Variants in SMG6 observed in about 807,000 individuals in gnomAD.
SMG6 encodes telomerase-binding protein EST1A.
In SMG6, 66 loss-of-function variants were observed where a neutral mutation model predicts 142.2. The observed-to-expected ratio is 0.46, with a 90% CI of 0.38 to 0.57. SMG6 has a LOEUF of 0.57. Among genes scored for constraint, SMG6 ranks in the 20% least tolerant of loss-of-function variants. The pLI, the probability that SMG6 is intolerant of heterozygous loss-of-function variation, is 0.00. For missense variants in SMG6, 1,793 were observed against 1,832.0 expected, an observed-to-expected ratio of 0.98 and a Z score of 0.39; for synonymous variants, 779 against 702.4, an observed-to-expected ratio of 1.11 and a Z score of -1.72.
chr17:2,287,613 C>CAAT (rs2151386913), intron 6 of SMG6, among the ~76,000 whole-genome samples: 1 of 152,270 alleles, frequency 6.6e-6, no homozygotes, highest in East Asian at 1.9e-4. Context: ...TTCACTGTGG[C>CAAT]ATTATTCACA....
intron 8 of SMG6, among the ~76,000 whole-genome samples, chr17:2,269,097 A>G (rs907397368): frequency 6.7e-6 from 1 of 150,166 alleles, no homozygotes; most frequent in Non-Finnish European, 1.5e-5. Flanking sequence ...CCAGCTACTC[A>G]TAGTCCCAGC....
chr17:2,186,882 G>C (rs746231829), intron 11 of SMG6, 51 bp from the exon 12 acceptor site: 6 of 1,589,438 alleles, frequency 3.8e-6, no homozygotes, highest in Non-Finnish European at 2.6e-6. Flanking sequence ...TAGCCCCCGA[G>C]TGAGGCCTGG....
At chr17:2,230,982 C>A (rs951195796) in intron 10 of SMG6, among the ~76,000 whole-genome samples, 1 of 152,084 alleles carries the variant, frequency 6.6e-6, no homozygotes, top group African/African-American at 2.4e-5. Flanking sequence ...GGGTTTCTAC[C>A]ACCAGAGATG....
intron 10 of SMG6, among the ~76,000 whole-genome samples, chr17:2,204,180 A>T (rs1027080452): frequency 1.4e-4 from 22 of 152,284 alleles, no homozygotes; most frequent in African/African-American, 5.1e-4. Flanking sequence ...AAAATAAAAC[A>T]ATTCCGAGAT....
chr17:2,118,897 CTTTTTTT>C (rs57747544), intron 13 of SMG6, among the ~76,000 whole-genome samples: 1 of 129,186 alleles, frequency 7.7e-6, no homozygotes, highest in South Asian at 2.4e-4. Flanking sequence ...CTCAATGTAG[CTTTTTTT>C]TTTTTTTTTT....
At chr17:2,156,709 C>T (rs2071018911) in intron 13 of SMG6, among the ~76,000 whole-genome samples, 1 of 152,150 alleles carries the variant, frequency 6.6e-6, no homozygotes. Context: ...GGCTACAGTG[C>T]AGTGGCACGA....
chr17:2,173,565 G>A (rs755352021), intron 12 of SMG6, among the ~76,000 whole-genome samples: 1 of 152,066 alleles, frequency 6.6e-6, no homozygotes, highest in Non-Finnish European at 1.5e-5. Flanking sequence ...CAACTATTCC[G>A]GTTTGTGTGG....
intron 11 of SMG6, among the ~76,000 whole-genome samples, chr17:2,187,772 G>A (rs915121925): frequency 6.6e-6 from 1 of 151,672 alleles, no homozygotes; most frequent in Non-Finnish European, 1.5e-5. Context: ...CTCCGAAGCT[G>A]GAGGCATTCA....
chr17:2,269,837 A>G (rs1325751905), intron 8 of SMG6, among the ~76,000 whole-genome samples: 1 of 152,176 alleles, frequency 6.6e-6, no homozygotes, highest in East Asian at 1.9e-4. Flanking sequence ...GTTACAGAAC[A>G]TGCCCAAAGT....
chr17:2,299,963 T>G lies in SMG6; in HGVS notation c.790A>C (p.Ser264Arg). 3 of 1,614,132 alleles carry G rather than the reference T, an allele frequency of 1.9e-6. No homozygotes were observed. ...YRTRSTSSAG[S>R]NNSAEGAGLT... The stretch of plus-strand genomic sequence containing the variant: ...CCAGCTCCCTCAGCGCTGTTGTTGC[T>G]GCCAGCTGAGCTGGTGCTGCGCGTG... Residue 264 changes from serine to arginine, a missense_variant, in exon 2 of 19, where the codon AGC becomes CGC. Around this residue, in one of 3 missense-constraint regions of SMG6, gnomAD observed 1,597 missense variants for 1,584.6 expected, o/e 1.01. Transcript: ENST00000263073. This position sits in a 1 kb window ranked among gnomAD's most constrained non-coding sequence, Gnocchi z 4.3.
rs1486905419 is a variant in SMG6, at chr17:2,282,733, G to A, written c.2575C>T (p.Pro859Ser). 6.2e-7 allele frequency: 1 copy of A among 1,614,200 alleles called. No homozygotes were observed. Among genetic ancestry groups the A allele is most frequent in the Non-Finnish European group, 8.5e-7 (1 of 1,180,044 alleles). The change falls in exon 8 of 19, where the codon CCA becomes TCA. Residue 859 changes from proline to serine, a missense_variant. Transcript: ENST00000263073. Reference sequence around the variant, plus strand: ...CCCTGGGAAGACCGTGGATGGGATGGATGAATCCAGATCTCCAGGCGAGTG... The same window carrying A: ...CCCTGGGAAGACCGTGGATGGGATGAATGAATCCAGATCTCCAGGCGAGTG... ...DTTRLEIWIH[P>S]SHPRSSQGTE...
At chr17:2,066,652 T>TACACACAC (rs1161956483) in intron 16 of SMG6, among the ~76,000 whole-genome samples, 10,495 of 119,394 alleles carry the variant, frequency 0.088, 634 homozygotes, top group African/African-American at 0.11. Flanking sequence ...CATGTGGGAA[T>TACACACAC]ACACACACAC....
chr17:2,232,485 C>T (rs145865995), intron 10 of SMG6, among the ~76,000 whole-genome samples: 1 of 152,238 alleles, frequency 6.6e-6, no homozygotes, highest in East Asian at 1.9e-4. Context: ...TGAGAGCTGG[C>T]TTTCCCAGAA....
Position 2,283,732 on chromosome 17 carries a change from T to A in SMG6, c.2341A>T (p.Arg781Trp). ...TAGTAATAGACAGCGTCAAGCTTCC[T>A]CCTCTGTGGAAAGAGGCCAGAGACA... is the stretch of plus-strand genomic sequence containing the variant. ...QLALLAVYTRRKLDAVYYYMR... is the reference protein window; with the variant it reads ...QLALLAVYTRWKLDAVYYYMR... Residue 781 changes from arginine (R) to tryptophan (W), a missense_variant, in exon 7 of 19, where the codon AGG (arginine) becomes TGG (tryptophan). This residue lies in a region of SMG6 where 1,597 missense variants were observed against 1,584.6 expected (regional missense o/e 1.01). Transcript: ENST00000263073. 1.2e-6 allele frequency: 2 copies of A among 1,613,280 alleles called. No homozygotes were observed. Among genetic ancestry groups the A allele is most frequent in the South Asian group, 2.2e-5 (2 of 91,012 alleles).
chr17:2,302,092 C>T (rs1220671712), intron 1 of SMG6, among the ~76,000 whole-genome samples: 1 of 151,368 alleles, frequency 6.6e-6, no homozygotes, highest in Non-Finnish European at 1.5e-5. Context: ...GTCTCTATAA[C>T]GTATACAAAA....
At position 2,277,077 on chromosome 17, in the gene SMG6, G is replaced by A. The variant is rs149859379; in HGVS notation, c.2661+5570C>T. Reference sequence around the variant, plus strand: ...ATTACAGGCATGAGCCACTGCGCCCGGCCTACTTTATGTCTTTTTCAAGGT... The same window carrying A: ...ATTACAGGCATGAGCCACTGCGCCCAGCCTACTTTATGTCTTTTTCAAGGT... On this transcript the variant is annotated intron_variant, in intron 8 of 18. Coordinates refer to ENST00000263073, the MANE Select transcript of SMG6 (RefSeq NM_017575.5). 5.3e-3 allele frequency among the ~76,000 whole-genome samples: 801 copies of A among 152,054 alleles called. 4 individuals carry two copies. Among genetic ancestry groups the A allele is most frequent in the African/African-American group, 0.018 (743 of 41,448 alleles).
At chr17:2,201,592 T>G (rs553350883) in intron 10 of SMG6, among the ~76,000 whole-genome samples, 1 of 147,530 alleles carries the variant, frequency 6.8e-6, no homozygotes, top group Admixed American at 6.9e-5. Flanking sequence ...CGCAGGAGAA[T>G]AGCTTGAACC....
intron 10 of SMG6, among the ~76,000 whole-genome samples, chr17:2,216,381 T>C (rs2073021058): frequency 6.6e-6 from 1 of 152,144 alleles, no homozygotes; most frequent in Non-Finnish European, 1.5e-5. Context: ...AAAAGTAGGC[T>C]GAAGATTTAA....
At chr17:2,176,974 C>T (rs1368998068) in intron 12 of SMG6, among the ~76,000 whole-genome samples, 1 of 152,218 alleles carries the variant, frequency 6.6e-6, no homozygotes, top group African/African-American at 2.4e-5. Flanking sequence ...CAGCTGCTGG[C>T]CGATACAATG....
Sources: gnomAD v4.1 joint callset for allele counts (sites outside exome capture counted in the v4.1 genomes callset) on GRCh38, gnomAD v4.1.1 for gene constraint, gnomAD v4.1.1 regional missense constraint, Gnocchi (gnomAD v3.1) non-coding constraint, MANE v1.5 for transcripts, NCBI Gene and HGNC (gene_info 2026-07-23, HGNC 2026-07-21) for gene names.